The following MED14 variants were observed in gnomAD, a reference collection of about 807,000 sequenced individuals.
MED14 encodes the protein mediator complex subunit 14, also known as mediator of RNA polymerase II transcription subunit 14.
MED14 carries 8 observed loss-of-function variants against 109.0 expected under a neutral mutation model. That is an observed-to-expected ratio of 0.07 (90% CI 0.04 to 0.13). The LOEUF is 0.13. Ranked by LOEUF, MED14 falls within the 10% of genes least tolerant of loss-of-function variation. The pLI is 1.00. For synonymous variants in MED14, 399 were observed against 408.7 expected (o/e 0.98, Z 0.29); for missense variants, 711 against 1,142.4 (o/e 0.62, Z 5.44).
At chrX:40,698,177 A>G (rs757621589) in intron 12 of MED14, among the ~76,000 whole-genome samples, 2 of 112,548 alleles carry the variant, frequency 1.8e-5, no homozygotes, top group East Asian at 5.5e-4. Context: ...TTTGATTCCC[A>G]TCAACATACC....
In MED14 at chrX:40,714,579, T is replaced by C; in HGVS notation, c.480A>G (p.Val160=). The C allele has an allele frequency of 8.3e-7, 1 of 1,211,641 alleles. No homozygotes were observed. ...PSFAIPYAID[V]LTTGSYPRLP... ...GCCGTGGGTAAGATCCAGTAGTTAG[T>C]ACATCAATGGCATATGGGATGGCAA... The change falls in exon 4 of 31, where the codon GTA becomes GTG. Residue 160 remains valine, a synonymous_variant. Transcript: ENST00000324817.
intron 28 of MED14, among the ~76,000 whole-genome samples, chrX:40,656,069 G>A (rs956010396): frequency 2.7e-5 from 3 of 109,463 alleles, no homozygotes. Flanking sequence ...GTGAGACCCT[G>A]TCTCAAAATA....
At chrX:40,676,437 C>A (rs886831680) in intron 21 of MED14, among the ~76,000 whole-genome samples, 2 of 111,826 alleles carry the variant, frequency 1.8e-5, no homozygotes, top group African/African-American at 6.5e-5. Flanking sequence ...GCAATACATC[C>A]GGGAGGCTGC....
chrX:40,672,028 G>A (rs938337899), intron 22 of MED14, 56 bp from the exon 23 acceptor site: 10 of 701,904 alleles, frequency 1.4e-5, no homozygotes, highest in African/African-American at 6.5e-5. Flanking sequence ...GAGCATAAGA[G>A]TGTGGCTTTC....
At chrX:40,708,542 T>TATAATA (rs1172250827) in intron 10 of MED14, among the ~76,000 whole-genome samples, 1 of 112,107 alleles carries the variant, frequency 8.9e-6, no homozygotes, top group Non-Finnish European at 1.9e-5. Flanking sequence ...ACTTCCTACT[T>TATAATA]ATAAGGCACT....
At chrX:40,731,959 ATC>A (rs1412256482) in intron 1 of MED14, among the ~76,000 whole-genome samples, 1 of 112,526 alleles carries the variant, frequency 8.9e-6, no homozygotes, top group Non-Finnish European at 1.9e-5. Flanking sequence ...ACAAATCAAA[ATC>A]TCTGTCCTCA....
intron 15 of MED14, among the ~76,000 whole-genome samples, chrX:40,688,990 A>G (rs933634970): frequency 1.8e-5 from 2 of 112,407 alleles, no homozygotes; most frequent in Non-Finnish European, 3.8e-5. Context: ...ACTACTTCCT[A>G]TGTGAAACCC....
At chrX:40,654,266 A>C in intron 30 of MED14, 98 bp downstream of exon 30, 1 of 739,741 alleles carries the variant, frequency 1.4e-6, no homozygotes, top group Middle Eastern at 4.3e-4. Context: ...TGGGTGGTAG[A>C]GTAGGTAAGG....
chrX:40,650,703 G>C lies in MED14; in HGVS notation c.*1103C>G. 2.7e-6 allele frequency: 2 copies of C among 754,192 alleles called. No homozygotes were observed. Among genetic ancestry groups the C allele is most frequent in the Non-Finnish European group, 3.1e-6 (2 of 639,283 alleles). 62.2% of individuals were successfully genotyped at this position (754,192 alleles called of 1,213,427 possible). A position where few individuals can be genotyped will look rare whatever the true frequency, so the allele number is the denominator to read the frequency against. ...AGGATTCGGGATTCTTCACAATGAG[G>C]GGAATGGACCAGGTTTCTTCCAAGC... On this transcript the variant is annotated 3_prime_UTR_variant, in exon 31 of 31. Coordinates refer to ENST00000324817, the MANE Select transcript of MED14 (RefSeq NM_004229.4).
At chrX:40,670,709 C>T (rs1358470397) in intron 23 of MED14, among the ~76,000 whole-genome samples, 1 of 108,402 alleles carries the variant, frequency 9.2e-6, no homozygotes, top group Non-Finnish European at 1.9e-5. Context: ...TGCAGTGAGC[C>T]GAGATTGCGC....
chrX:40,722,853 CTAGGATAG>C (rs2146732593), intron 3 of MED14, among the ~76,000 whole-genome samples: 1 of 111,870 alleles, frequency 8.9e-6, no homozygotes, highest in African/African-American at 3.2e-5. Flanking sequence ...AACTTTTACC[CTAGGATAG>C]TATATCCGGT....
intron 26 of MED14, among the ~76,000 whole-genome samples, chrX:40,661,909 G>A (rs1929290500): frequency 9.0e-6 from 1 of 111,391 alleles, no homozygotes; most frequent in African/African-American, 3.3e-5. Flanking sequence ...TGTTGCCCAG[G>A]CTGGAGTGCA....
chrX:40,675,552 C>T (rs181752136), intron 21 of MED14, among the ~76,000 whole-genome samples, 191 bp from the exon 22 acceptor site: 39 of 111,839 alleles, frequency 3.5e-4, no homozygotes, highest in African/African-American at 1.3e-3. Context: ...AAAACAGCAT[C>T]TAAAAAAAGT....
Position 40,680,883 on chromosome X carries a change from G to C in MED14, c.2485C>G (p.Gln829Glu). Reference sequence around the variant, plus strand: ...GTTCCCAAAGAAATGTGGAATTTTTGATGGATCGAATTCCATTGGATACTA... The same window carrying C: ...GTTCCCAAAGAAATGTGGAATTTTTCATGGATCGAATTCCATTGGATACTA... Reference protein sequence around the residue: ...SISIQWNSIHQKFHISLGTVG... With the variant: ...SISIQWNSIHEKFHISLGTVG... Residue 829 changes from glutamine (Q) to glutamate (E), a missense_variant, in exon 20 of 31, where the codon CAA becomes GAA. By Grantham distance (29) the Gln-to-Glu change is conservative. Around this residue, in one of 8 missense-constraint regions of MED14, gnomAD observed 388 missense variants for 517.3 expected, o/e 0.75. Coordinates refer to ENST00000324817, the MANE Select transcript of MED14 (RefSeq NM_004229.4). 1 of 1,190,958 alleles carries C rather than the reference G, an allele frequency of 8.4e-7. No individual in the cohort carries two copies. The highest frequency in any genetic ancestry group is 1.8e-5 in the South Asian group (1 of 55,874).
intron 10 of MED14, among the ~76,000 whole-genome samples, chrX:40,706,205 C>CA: frequency 9.0e-6 from 1 of 111,456 alleles, no homozygotes; most frequent in Middle Eastern, 4.7e-3. Flanking sequence ...TCGCCCATCA[C>CA]AAAAAAGGAT....
intron 1 of MED14, among the ~76,000 whole-genome samples, chrX:40,731,039 G>A (rs1484983333): frequency 9.2e-6 from 1 of 108,642 alleles, no homozygotes; most frequent in African/African-American, 3.4e-5. Flanking sequence ...TACTTGGAAG[G>A]CTGAAGTGGG....
At chrX:40,668,383 CAAAAA>C (rs779386609) in intron 23 of MED14, among the ~76,000 whole-genome samples, 2 of 43,331 alleles carry the variant, frequency 4.6e-5, no homozygotes, top group Non-Finnish European at 7.7e-5. Flanking sequence ...ACTCTGTCTC[CAAAAA>C]AAAAAAAAAA....
chrX:40,691,042 C>T (rs1930481872), intron 15 of MED14, among the ~76,000 whole-genome samples: 1 of 111,952 alleles, frequency 8.9e-6, no homozygotes, highest in South Asian at 3.7e-4. Context: ...AAACATAAAA[C>T]TTTAACCTAC....
intron 21 of MED14, among the ~76,000 whole-genome samples, chrX:40,678,094 G>GA (rs917597656): frequency 4.6e-5 from 5 of 109,252 alleles, no homozygotes; most frequent in Admixed American, 2.9e-4. Flanking sequence ...AGTAAACCAA[G>GA]AAAAAAAACA....
Sources: gnomAD v4.1 joint callset for allele counts (sites outside exome capture counted in the v4.1 genomes callset) on GRCh38, gnomAD v4.1.1 for gene constraint, gnomAD v4.1.1 regional missense constraint, MANE v1.5 for transcripts, NCBI Gene and HGNC (gene_info 2026-07-23, HGNC 2026-07-21) for gene names.